Variants in ATXN10 observed in about 807,000 individuals in gnomAD.
ATXN10 encodes ataxin 10.
ATXN10 carries 28 observed loss-of-function variants against 52.9 expected under a neutral mutation model. The observed-to-expected ratio is 0.53, with a 90% confidence interval of 0.39 to 0.73. The LOEUF (loss-of-function observed/expected upper bound fraction) is 0.73. ATXN10 is among the 30% of genes least tolerant of loss of function. The pLI is 0.00. For missense variants in ATXN10, 565 were observed against 577.0 expected (o/e 0.98, Z 0.21); for synonymous variants, 226 against 221.5 (o/e 1.02, Z -0.18).
At chr22:45,737,676 G>T in intron 7 of ATXN10, among the ~76,000 whole-genome samples, 1 of 145,222 alleles carries the variant, frequency 6.9e-6, no homozygotes, top group East Asian at 2.1e-4. Flanking sequence ...TCTTTCTTTT[G>T]AAGAATGTTA....
chr22:45,818,448 A>G lies in ATXN10; in HGVS notation c.1237+11426A>G, dbSNP rs572494736. On this transcript the variant is annotated intron_variant, in intron 10 of 11. Coordinates refer to ENST00000252934, the MANE Select transcript of ATXN10 (RefSeq NM_013236.4). This position sits in a 1 kb window ranked among gnomAD's most constrained non-coding sequence, Gnocchi z 4.6. ...GCATCTGGTTCTGCTTGTCTGGTTTACCTGTGTTAAAAGCAAGACTCTGCA... is the reference window on the plus strand; with the variant it reads ...GCATCTGGTTCTGCTTGTCTGGTTTGCCTGTGTTAAAAGCAAGACTCTGCA... 6.6e-6 allele frequency among the ~76,000 whole-genome samples: 1 copy of G among 152,138 alleles called. No homozygotes were observed. Among genetic ancestry groups the G allele is most frequent in the South Asian group, 2.1e-4 (1 of 4,798 alleles).
chr22:45,738,776 A>G lies in ATXN10; in HGVS notation c.940A>G (p.Thr314Ala). The G allele has an allele frequency of 1.2e-6, 2 of 1,614,156 alleles. No individual in the cohort carries two copies. The highest frequency in any genetic ancestry group is 3.3e-4 in the Middle Eastern group (2 of 6,062). ...GCTTCTCGACGTCCTGTGCGAAATG[A>G]CTGTGAATACTGAGCTGCTCGGCTA... ...IRLLDVLCEM[T>A]VNTELLGYLQ... Residue 314 changes from threonine to alanine, a missense_variant, in exon 8 of 12, where the codon ACT becomes GCT. By Grantham distance (58) the Thr-to-Ala change is moderately conservative. Coordinates refer to ENST00000252934, the MANE Select transcript of ATXN10 (RefSeq NM_013236.4).
Position 45,754,819 on chromosome 22 carries a change from C to T in ATXN10, c.1173+14281C>T, listed in dbSNP as rs1926116476. On this transcript the variant is annotated intron_variant, in intron 9 of 11. Coordinates refer to ENST00000252934, the MANE Select transcript of ATXN10 (RefSeq NM_013236.4). The surrounding 1 kb of genome is among the most constrained non-coding windows in gnomAD (Gnocchi z 5.4). The stretch of plus-strand genomic sequence containing the variant: ...GCAGTGAGCTGAGATCGTGCCACTG[C>T]ACTCCAGCCTGGGCAACAGAGTGAG... 6.6e-6 allele frequency among the ~76,000 whole-genome samples: 1 copy of T among 152,234 alleles called. No individual in the cohort carries two copies. Among genetic ancestry groups the T allele is most frequent in the South Asian group, 2.1e-4 (1 of 4,834 alleles).
At chr22:45,817,378 G>A (rs1341958130) in intron 10 of ATXN10, among the ~76,000 whole-genome samples, 2 of 141,098 alleles carry the variant, frequency 1.4e-5, no homozygotes, top group Non-Finnish European at 3.0e-5. Flanking sequence ...AGGCTGGAGT[G>A]CAATGGCGCG....
At position 45,795,469 on chromosome 22, in the gene ATXN10, G is replaced by A. The variant is rs953614760; in HGVS notation, c.1174-11490G>A. Among the ~76,000 whole-genome samples, 1 of 151,118 alleles carries A rather than the reference G, an allele frequency of 6.6e-6. No individual in the cohort carries two copies. The highest frequency in any genetic ancestry group is 2.4e-5 in the African/African-American group (1 of 41,172). On this transcript the variant is annotated intron_variant, in intron 9 of 11. Transcript: ENST00000252934. This position sits in a 1 kb window ranked among gnomAD's most constrained non-coding sequence, Gnocchi z 4.6. ...TATGTTGCCCAGGCTGGAGTGCAGT[G>A]GCGCGATCTCAGCTCACTGCAACCT...
chr22:45,743,305 T>C (rs556213762), intron 9 of ATXN10, among the ~76,000 whole-genome samples: 22 of 152,322 alleles, frequency 1.4e-4, no homozygotes, highest in African/African-American at 5.3e-4. Context: ...ACCTCTGGGA[T>C]TTTTTTCCTC....
chr22:45,720,985 G>A (rs1253350241), intron 6 of ATXN10, among the ~76,000 whole-genome samples: 1 of 152,168 alleles, frequency 6.6e-6, no homozygotes, highest in Non-Finnish European at 1.5e-5. Flanking sequence ...TGCCCTTACT[G>A]TGAGGGTAAT....
intron 7 of ATXN10, among the ~76,000 whole-genome samples, chr22:45,734,869 A>ATATTAT (rs10625108): frequency 0.13 from 18,107 of 142,270 alleles, 1,276 homozygotes; most frequent in Non-Finnish European, 0.15. Context: ...GAAATGGGTT[A>ATATTAT]TATTATTATT....
rs1309995333 is a variant in ATXN10 at position 45,840,613 on chromosome 22, A to G, written c.1238-2378A>G. Among the ~76,000 whole-genome samples the G allele has an allele frequency of 6.6e-6, 1 of 152,182 alleles. No individual in the cohort carries two copies. The highest frequency in any genetic ancestry group is 6.5e-5 in the Admixed American group (1 of 15,286). On this transcript the variant is annotated intron_variant, in intron 10 of 11. Transcript: ENST00000252934. The surrounding 1 kb of genome is among the most constrained non-coding windows in gnomAD (Gnocchi z 5.8). ...GAGAGGTGGGTAGGGGCCGTCTGGC[A>G]GGGTCTCACGTGCCCTGGAGTGGAG... is the stretch of plus-strand genomic sequence containing the variant.
rs140042514 is a variant in ATXN10 at position 45,828,317 on chromosome 22, A to G, written c.1238-14674A>G. Among the ~76,000 whole-genome samples, 980 of 152,238 alleles carry G rather than the reference A, an allele frequency of 6.4e-3. 7 individuals carry two copies. The highest frequency in any genetic ancestry group is 0.015 in the South Asian group (73 of 4,828). On this transcript the variant is annotated intron_variant, in intron 10 of 11. Coordinates refer to ENST00000252934, the MANE Select transcript of ATXN10 (RefSeq NM_013236.4). The surrounding 1 kb of genome is among the most constrained non-coding windows in gnomAD (Gnocchi z 4.5). Reference sequence around the variant, plus strand: ...CTAAGGGGGAAATTTTATAGCTATAAATGCTTACATTAAAAAATAAGAAAG... The same window carrying G: ...CTAAGGGGGAAATTTTATAGCTATAGATGCTTACATTAAAAAATAAGAAAG...
Position 45,828,994 on chromosome 22 carries a change from T to C in ATXN10, c.1238-13997T>C, listed in dbSNP as rs1263841668. On this transcript the variant is annotated intron_variant, in intron 10 of 11. Coordinates refer to ENST00000252934, the MANE Select transcript of ATXN10 (RefSeq NM_013236.4). This position sits in a 1 kb window ranked among gnomAD's most constrained non-coding sequence, Gnocchi z 4.5. Reference sequence around the variant, plus strand: ...GACCAACATCCTTTATGAACATGAATTTAACAGCATACTAAAAGAATTACA... The same window carrying C: ...GACCAACATCCTTTATGAACATGAACTTAACAGCATACTAAAAGAATTACA... 6.6e-6 allele frequency among the ~76,000 whole-genome samples: 1 copy of C among 152,180 alleles called. No homozygotes were observed. Among genetic ancestry groups the C allele is most frequent in the Non-Finnish European group, 1.5e-5 (1 of 68,006 alleles).
intron 7 of ATXN10, among the ~76,000 whole-genome samples, chr22:45,734,869 A>ATTATTATTATTAT (rs1925229621): frequency 3.5e-5 from 5 of 142,360 alleles, no homozygotes; most frequent in Non-Finnish European, 7.6e-5. Context: ...GAAATGGGTT[A>ATTATTATTATTAT]TATTATTATT....
At position 45,824,525 on chromosome 22, in the gene ATXN10, T is replaced by C. The variant is rs1928756105; in HGVS notation, c.1237+17503T>C. On this transcript the variant is annotated intron_variant, in intron 10 of 11. Coordinates refer to ENST00000252934, the MANE Select transcript of ATXN10 (RefSeq NM_013236.4). The surrounding 1 kb of genome is among the most constrained non-coding windows in gnomAD (Gnocchi z 5.2). ...CCCTTCCATAGTGATTGTCTTTACTTTCCATCCCTTAGTTGAAAATTGGTA... is the reference window on the plus strand; with the variant it reads ...CCCTTCCATAGTGATTGTCTTTACTCTCCATCCCTTAGTTGAAAATTGGTA... Among the ~76,000 whole-genome samples the C allele has an allele frequency of 6.6e-6, 1 of 152,178 alleles. No homozygotes were observed. The highest frequency in any genetic ancestry group is 2.1e-4 in the South Asian group (1 of 4,830).
In ATXN10 at chr22:45,783,583, A is replaced by G. The variant is rs1402735326; in HGVS notation, c.1174-23376A>G. Among the ~76,000 whole-genome samples the G allele has an allele frequency of 5.9e-5, 9 of 152,096 alleles. No homozygotes were observed. Among genetic ancestry groups the G allele is most frequent in the Non-Finnish European group, 1.0e-4 (7 of 68,022 alleles). ...CCTGCAGCCCTTCGTGTTTCCCTCC[A>G]GTGCTGGATGTGAATGGTGCTTTTT... On this transcript the variant is annotated intron_variant, in intron 9 of 11. Coordinates refer to ENST00000252934, the MANE Select transcript of ATXN10 (RefSeq NM_013236.4). The surrounding 1 kb of genome is among the most constrained non-coding windows in gnomAD (Gnocchi z 5.0).
chr22:45,839,460 C>T (rs56202139), intron 10 of ATXN10, among the ~76,000 whole-genome samples: 2,283 of 152,318 alleles, frequency 0.015, 71 homozygotes, highest in African/African-American at 0.053. Flanking sequence ...CAGCTGCAAC[C>T]AGTGTCCCTG....
chr22:45,744,990 G>A lies in ATXN10; in HGVS notation c.1173+4452G>A, dbSNP rs908728330. Among the ~76,000 whole-genome samples the A allele has an allele frequency of 1.3e-5, 2 of 152,122 alleles. No homozygotes were observed. Among genetic ancestry groups the A allele is most frequent in the South Asian group, 2.1e-4 (1 of 4,822 alleles). On this transcript the variant is annotated intron_variant, in intron 9 of 11. Coordinates refer to ENST00000252934, the MANE Select transcript of ATXN10 (RefSeq NM_013236.4). The surrounding 1 kb of genome is among the most constrained non-coding windows in gnomAD (Gnocchi z 4.9). ...GGTAGGGAGGTGTCAAATCCTTACT[G>A]ACTTCTATTCTTACCTTGTTTTTTT...
rs78427713 is a variant in ATXN10 at position 45,694,329 on chromosome 22, A to C, written c.391+1251A>C. ...TTTGTGCCAGGAATTGAAATACTTT[A>C]TGGGTAAACCTAAATTATTTGATAA... On this transcript the variant is annotated intron_variant, in intron 3 of 11. Transcript: ENST00000252934. 3.2e-3 allele frequency among the ~76,000 whole-genome samples: 492 copies of C among 152,278 alleles called. 5 individuals are homozygous for C. The highest frequency in any genetic ancestry group is 0.011 in the African/African-American group (467 of 41,564).
rs77578888 is a variant in ATXN10 at position 45,749,639 on chromosome 22, T to C, written c.1173+9101T>C. Among the ~76,000 whole-genome samples, 669 of 151,666 alleles carry C rather than the reference T, an allele frequency of 4.4e-3. 24 individuals carry two copies. In the East Asian group the frequency reaches 0.081, roughly 18 times the overall value. On this transcript the variant is annotated intron_variant, in intron 9 of 11. Coordinates refer to ENST00000252934, the MANE Select transcript of ATXN10 (RefSeq NM_013236.4). Reference sequence around the variant, plus strand: ...TGCAGTGGTGTGATTATAGCTCATTTTAGCCTTGAGCTCATGGGCTCAGGC... The same window carrying C: ...TGCAGTGGTGTGATTATAGCTCATTCTAGCCTTGAGCTCATGGGCTCAGGC...
In ATXN10 at chr22:45,828,070, G is replaced by A. The variant is rs1026574588; in HGVS notation, c.1238-14921G>A. On this transcript the variant is annotated intron_variant, in intron 10 of 11. Coordinates refer to ENST00000252934, the MANE Select transcript of ATXN10 (RefSeq NM_013236.4). This position sits in a 1 kb window ranked among gnomAD's most constrained non-coding sequence, Gnocchi z 4.5. Reference sequence around the variant, plus strand: ...GAAATTAGAAAATACTTAGAGGTCAGCTGGGTGCAGTGGCTCATACCTGTA... The same window carrying A: ...GAAATTAGAAAATACTTAGAGGTCAACTGGGTGCAGTGGCTCATACCTGTA... 2.0e-5 allele frequency among the ~76,000 whole-genome samples: 3 copies of A among 152,152 alleles called. No individual in the cohort carries two copies. Among genetic ancestry groups the A allele is most frequent in the Non-Finnish European group, 2.9e-5 (2 of 68,032 alleles).
Sources: gnomAD v4.1 joint callset for allele counts (sites outside exome capture counted in the v4.1 genomes callset) on GRCh38, gnomAD v4.1.1 for gene constraint, Gnocchi (gnomAD v3.1) non-coding constraint, MANE v1.5 for transcripts, NCBI Gene and HGNC (gene_info 2026-07-23, HGNC 2026-07-21) for gene names.